CEP128: variants seen among roughly 807,000 people sequenced by gnomAD.
The protein encoded by CEP128 is centrosomal protein 128.
In CEP128, 132 loss-of-function variants were observed where a neutral mutation model predicts 156.7. The observed-to-expected ratio is 0.84, with a 90% CI of 0.73 to 0.97. The LOEUF (loss-of-function observed/expected upper bound fraction) is 0.97. Ranked by LOEUF, CEP128 falls within the 50% of genes least tolerant of loss-of-function variation. The pLI is 0.00. For synonymous variants in CEP128, 469 were observed against 448.9 expected (o/e 1.04, Z -0.57); for missense variants, 1,252 against 1,281.9 (o/e 0.98, Z 0.36).
At chr14:80,664,491 CA>C (rs35365427) in intron 19 of CEP128, among the ~76,000 whole-genome samples, 64,498 of 145,162 alleles carry the variant, frequency 0.44, 14,898 homozygotes, top group East Asian at 0.65. Context: ...AATATGAGGG[CA>C]AAAAAAAAAA....
chr14:80,533,450 G>A (rs1304057576), intron 21 of CEP128, among the ~76,000 whole-genome samples: 4 of 152,038 alleles, frequency 2.6e-5, no homozygotes, highest in East Asian at 1.9e-4. Flanking sequence ...ACTGTAAAAC[G>A]CAGCATGTTA....
At chr14:80,874,150 G>C (rs933267485) in intron 8 of CEP128, among the ~76,000 whole-genome samples, 38 of 152,256 alleles carry the variant, frequency 2.5e-4, no homozygotes, top group Middle Eastern at 3.4e-3. Flanking sequence ...GAAAAACTTA[G>C]TCAAATCTTG....
At chr14:80,830,119 C>A in intron 13 of CEP128, 1 of 448,836 alleles carries the variant, frequency 2.2e-6, no homozygotes, top group South Asian at 4.9e-5. Context: ...AAAATAATAC[C>A]CATGAAGCAA....
intron 13 of CEP128, chr14:80,830,180 CTT>C (rs1458405646): frequency 1.8e-6 from 1 of 555,006 alleles, no homozygotes; most frequent in Non-Finnish European, 3.2e-6. Flanking sequence ...TCAAGTAAGT[CTT>C]TATTAAACAT....
At chr14:80,597,439 G>T (rs986537632) in intron 19 of CEP128, among the ~76,000 whole-genome samples, 1 of 152,006 alleles carries the variant, frequency 6.6e-6, no homozygotes, top group Non-Finnish European at 1.5e-5. Context: ...TTTAAAACTT[G>T]CAGAACAAAA....
chr14:80,705,666 A>G (rs918800422), intron 19 of CEP128, among the ~76,000 whole-genome samples: 3 of 152,116 alleles, frequency 2.0e-5, no homozygotes, highest in African/African-American at 7.2e-5. Context: ...CTAGGTTAGA[A>G]AAGGCAATGA....
chr14:80,555,152 T>C (rs1320428846), intron 21 of CEP128, among the ~76,000 whole-genome samples: 2 of 152,132 alleles, frequency 1.3e-5, no homozygotes, highest in Non-Finnish European at 2.9e-5. Flanking sequence ...TCTATCTCTC[T>C]ATACATTATC....
chr14:80,771,635 G>A (rs887899145), intron 16 of CEP128, among the ~76,000 whole-genome samples: 2 of 152,088 alleles, frequency 1.3e-5, no homozygotes, highest in Non-Finnish European at 2.9e-5. Flanking sequence ...CCTATCAATT[G>A]CTATAGCCTT....
intron 21 of CEP128, among the ~76,000 whole-genome samples, chr14:80,534,824 CAAAAAAAAAAAA>C (rs371773612): frequency 6.2e-4 from 37 of 60,142 alleles, no homozygotes; most frequent in African/African-American, 2.5e-3. Flanking sequence ...GATTCCGTCT[CAAAAAAAAAAAA>C]AAAAAAAAAA....
At chr14:80,817,339 T>C (rs1004762042) in intron 13 of CEP128, among the ~76,000 whole-genome samples, 4 of 151,948 alleles carry the variant, frequency 2.6e-5, no homozygotes, top group African/African-American at 9.7e-5. Context: ...TGCAAGGAAA[T>C]AGGAAAGTGT....
chr14:80,481,463 C>G (rs1887052097), intron 14 of CEP128, among the ~76,000 whole-genome samples: 1 of 152,176 alleles, frequency 6.6e-6, no homozygotes, highest in Non-Finnish European at 1.5e-5. Flanking sequence ...AGTGGGGACA[C>G]AGCCAAACCA....
intron 19 of CEP128, among the ~76,000 whole-genome samples, chr14:80,691,553 T>C (rs939109045): frequency 6.6e-6 from 1 of 152,176 alleles, no homozygotes; most frequent in African/African-American, 2.4e-5. Flanking sequence ...AAAAGAAAAC[T>C]GGCTTCTTCT....
chr14:80,677,728 G>A (rs927057678), intron 19 of CEP128, among the ~76,000 whole-genome samples: 3 of 151,618 alleles, frequency 2.0e-5, no homozygotes, highest in Non-Finnish European at 4.4e-5. Flanking sequence ...TAGTGAAAAG[G>A]GACTGATCTA....
intron 21 of CEP128, among the ~76,000 whole-genome samples, chr14:80,540,073 T>C (rs1225700458): frequency 2.0e-5 from 3 of 152,174 alleles, no homozygotes; most frequent in Non-Finnish European, 4.4e-5. Context: ...CCCTTATCAA[T>C]GGTTCTGCTT....
intron 13 of CEP128, among the ~76,000 whole-genome samples, chr14:80,828,342 C>T (rs866622827): frequency 2.0e-5 from 3 of 151,946 alleles, no homozygotes; most frequent in South Asian, 2.1e-4. Context: ...AGGCTGGTTT[C>T]GAACTCCTGA....
At chr14:80,543,689 A>G (rs777445136) in intron 21 of CEP128, among the ~76,000 whole-genome samples, 1 of 152,206 alleles carries the variant, frequency 6.6e-6, no homozygotes, top group South Asian at 2.1e-4. Context: ...TGAAACTCCA[A>G]TAGCTAGAAA....
At chr14:80,595,743 T>G (rs1892286961) in intron 19 of CEP128, among the ~76,000 whole-genome samples, 1 of 152,136 alleles carries the variant, frequency 6.6e-6, no homozygotes, top group Non-Finnish European at 1.5e-5. Context: ...GGGTAATTTA[T>G]AAAGAAAGAG....
intron 14 of CEP128, among the ~76,000 whole-genome samples, chr14:80,787,900 G>A (rs961279649): frequency 4.6e-5 from 7 of 152,108 alleles, no homozygotes; most frequent in African/African-American, 1.7e-4. Flanking sequence ...GAGACAGGAT[G>A]GTTCAAGAAG....
At chr14:80,654,838 C>A (rs573583013) in intron 19 of CEP128, among the ~76,000 whole-genome samples, 1 of 152,200 alleles carries the variant, frequency 6.6e-6, no homozygotes, top group South Asian at 2.1e-4. Flanking sequence ...TCTAAATCTT[C>A]ATGGGCTTTA....
Sources: allele counts gnomAD v4.1 joint callset (sites outside exome capture counted in the v4.1 genomes callset), GRCh38; gene constraint gnomAD v4.1.1; transcripts MANE v1.5; gene names NCBI Gene and HGNC (gene_info 2026-07-23, HGNC 2026-07-21).